The following BABAM2 variants were observed in gnomAD, a reference collection of about 807,000 sequenced individuals.
The protein encoded by BABAM2 is BRISC and BRCA1-A complex member 2.
A neutral mutation model predicts 54.7 loss-of-function variants in BABAM2; 31 were observed. The observed-to-expected ratio is 0.57, with a 90% confidence interval of 0.43 to 0.77. The LOEUF (loss-of-function observed/expected upper bound fraction) is 0.77. BABAM2 is among the 30% of genes least tolerant of loss of function. The pLI, the probability that BABAM2 is intolerant of heterozygous loss-of-function variation, is 0.00. For missense variants in BABAM2, 364 were observed against 455.8 expected (o/e 0.80, Z 1.83); for synonymous variants, 167 against 162.9 (o/e 1.03, Z -0.19).
intron 6 of BABAM2, among the ~76,000 whole-genome samples, chr2:28,090,122 C>CT (rs1466216216): frequency 6.6e-6 from 1 of 152,130 alleles, no homozygotes; most frequent in Non-Finnish European, 1.5e-5. Flanking sequence ...AGGTATTATG[C>CT]TTTTAACTTC....
chr2:27,957,175 T>A (rs1192556142), intron 3 of BABAM2, among the ~76,000 whole-genome samples: 1 of 152,198 alleles, frequency 6.6e-6, no homozygotes, highest in Non-Finnish European at 1.5e-5. Context: ...TCTGCAACAT[T>A]ATCTCACTAC....
intron 2 of BABAM2, among the ~76,000 whole-genome samples, chr2:27,899,198 T>C (rs1665580806): frequency 6.6e-6 from 1 of 152,222 alleles, no homozygotes; most frequent in African/African-American, 2.4e-5. Context: ...TTTTTTAGCA[T>C]GTCACAGACA....
intron 10 of BABAM2, 97 bp downstream of exon 10, chr2:28,244,959 G>A (rs1045576842): frequency 1.3e-5 from 13 of 1,020,252 alleles, no homozygotes; most frequent in African/African-American, 3.3e-5. Flanking sequence ...GTCCTGTCTC[G>A]GTTCCTTTTA....
At chr2:28,131,655 G>A (rs1003717545) in intron 7 of BABAM2, among the ~76,000 whole-genome samples, 3 of 152,194 alleles carry the variant, frequency 2.0e-5, no homozygotes, top group Admixed American at 2.0e-4. Context: ...TGGCACTACA[G>A]TAAACACTCA....
intron 10 of BABAM2, among the ~76,000 whole-genome samples, chr2:28,260,851 T>C (rs56951679): frequency 0.17 from 26,183 of 152,180 alleles, 2,367 homozygotes; most frequent in African/African-American, 0.2. Flanking sequence ...GTTTTCAATA[T>C]ACAAGTCTTG....
At chr2:27,972,186 A>G (rs1288828443) in intron 3 of BABAM2, among the ~76,000 whole-genome samples, 5 of 152,170 alleles carry the variant, frequency 3.3e-5, no homozygotes, top group Non-Finnish European at 5.9e-5. Flanking sequence ...CTTATTATTA[A>G]CCACTGAAAG....
At position 27,955,944 on chromosome 2, in the gene BABAM2, C is replaced by A. The variant is rs532195766; in HGVS notation, c.205+26036C>A. Among the ~76,000 whole-genome samples the A allele has an allele frequency of 2.0e-5, 3 of 151,126 alleles. No homozygotes were observed. In the South Asian group the frequency reaches 6.3e-4, roughly 32 times the overall value. On this transcript the variant is annotated intron_variant, in intron 3 of 11. Transcript: ENST00000379624. ...ATTTAGAAAAATGAGCAATTTTCCT[C>A]CTTTCTTATGACTCACAGGTCACAT...
At chr2:27,921,282 A>G (rs890178030) in intron 2 of BABAM2, among the ~76,000 whole-genome samples, 3 of 152,098 alleles carry the variant, frequency 2.0e-5, no homozygotes, top group Non-Finnish European at 2.9e-5. Context: ...TTTTCTTTTC[A>G]TTAGAACGCA....
At position 27,941,268 on chromosome 2, in the gene BABAM2, C is replaced by G. The variant is rs138727277; in HGVS notation, c.205+11360C>G. Among the ~76,000 whole-genome samples the G allele has an allele frequency of 6.3e-3, 962 of 151,828 alleles. 7 individuals carry two copies. Among genetic ancestry groups the G allele is most frequent in the Non-Finnish European group, 7.9e-3 (535 of 67,878 alleles). On this transcript the variant is annotated intron_variant, in intron 3 of 11. Transcript: ENST00000379624. ...AATGAAAATGTAGACATTTTTTTGT[C>G]TTTAACAATAGAGCAGCCAGGCGCG...
At chr2:28,277,044 C>T (rs1311886433) in intron 10 of BABAM2, among the ~76,000 whole-genome samples, 1 of 152,176 alleles carries the variant, frequency 6.6e-6, no homozygotes, top group Non-Finnish European at 1.5e-5. Flanking sequence ...CTATCTCCCT[C>T]GTCACTGACA....
At chr2:27,981,434 G>A (rs1302590311) in intron 3 of BABAM2, among the ~76,000 whole-genome samples, 1 of 152,060 alleles carries the variant, frequency 6.6e-6, no homozygotes, top group Non-Finnish European at 1.5e-5. Context: ...TCACAAAGTT[G>A]TACAACCATC....
chr2:28,275,077 C>T (rs948898364), intron 10 of BABAM2, among the ~76,000 whole-genome samples: 1 of 152,116 alleles, frequency 6.6e-6, no homozygotes, highest in East Asian at 1.9e-4. Flanking sequence ...CCTCTGCCTT[C>T]GTTGGAGTCA....
upstream of BABAM2, chr2:27,890,374 A>G (rs1664715715): frequency 6.2e-7 from 1 of 1,602,948 alleles, no homozygotes; most frequent in Non-Finnish European, 8.5e-7. The surrounding 1 kb of genome is among the most constrained non-coding windows in gnomAD (Gnocchi z 4.8). Flanking sequence ...TCCAACCTGG[A>G]CGGTGACCTC....
intron 6 of BABAM2, among the ~76,000 whole-genome samples, chr2:28,108,349 G>A (rs972437703): frequency 9.2e-5 from 14 of 152,230 alleles, no homozygotes; most frequent in African/African-American, 3.4e-4. Context: ...TAGCTTCCCT[G>A]GAGAATTGCA....
chr2:27,983,484 T>G (rs972182691), intron 3 of BABAM2, among the ~76,000 whole-genome samples: 1 of 152,142 alleles, frequency 6.6e-6, no homozygotes, highest in Non-Finnish European at 1.5e-5. Context: ...GCTTGTCAAT[T>G]TCTGCAAAGA....
chr2:28,335,209 G>A (rs545559372), intron 11 of BABAM2, among the ~76,000 whole-genome samples: 1 of 141,096 alleles, frequency 7.1e-6, no homozygotes, highest in East Asian at 2.1e-4. Context: ...TGCCGCCCAG[G>A]CTGGAGTGCC....
intron 10 of BABAM2, 79 bp downstream of exon 10, chr2:28,244,941 C>A: frequency 3.4e-6 from 4 of 1,184,392 alleles, no homozygotes; most frequent in Non-Finnish European, 4.9e-6. Flanking sequence ...AGTACTAGAA[C>A]CTTTTCTGTC....
chr2:28,061,286 TA>T (rs200135876), intron 6 of BABAM2, among the ~76,000 whole-genome samples: 15 of 148,262 alleles, frequency 1.0e-4, no homozygotes, highest in Non-Finnish European at 7.5e-5. Context: ...TATCTATATT[TA>T]AAAAAAAAAG....
intron 3 of BABAM2, among the ~76,000 whole-genome samples, chr2:27,975,070 A>G (rs1157628289): frequency 6.6e-6 from 1 of 152,068 alleles, no homozygotes; most frequent in Non-Finnish European, 1.5e-5. Context: ...ATTGAAGAAG[A>G]CCTCAATAAA....
Sources: allele counts gnomAD v4.1 joint callset (sites outside exome capture counted in the v4.1 genomes callset), GRCh38; gene constraint gnomAD v4.1.1; non-coding constraint Gnocchi (gnomAD v3.1); transcripts MANE v1.5; gene names NCBI Gene and HGNC (gene_info 2026-07-23, HGNC 2026-07-21).